CES1: variants seen among roughly 807,000 people sequenced by gnomAD.
CES1 encodes the protein carboxylesterase 1.
CES1 carries 50 observed loss-of-function variants against 53.0 expected under a neutral mutation model. The observed-to-expected ratio is 0.94, with a 90% CI of 0.75 to 1.19. CES1 has a LOEUF of 1.19. Among genes scored for constraint, CES1 ranks in the 50% most tolerant of loss-of-function variants. The pLI, the probability that CES1 is intolerant of heterozygous loss-of-function variation, is 0.00. For missense variants in CES1, 534 were observed against 538.0 expected (o/e 0.99, Z 0.07); for synonymous variants, 202 against 210.1 (o/e 0.96, Z 0.33).
chr16:55,820,020 C>T (rs543132551), intron 6 of CES1: 64 of 550,108 alleles, frequency 1.2e-4, no homozygotes, highest in Admixed American at 1.2e-4. Flanking sequence ...CAGAGAGACA[C>T]AAGACACCAT....
intron 2 of CES1, chr16:55,827,854 G>C (rs1434644097): frequency 6.6e-6 from 1 of 151,926 alleles, no homozygotes; most frequent in Admixed American, 6.6e-5. Context: ...AAAAAAACTG[G>C]AATACAAACA....
At chr16:55,815,552 T>C (rs1489508625) in intron 8 of CES1, among the ~76,000 whole-genome samples, 1 of 152,214 alleles carries the variant, frequency 6.6e-6, no homozygotes, top group African/African-American at 2.4e-5. Context: ...CACAACCTTG[T>C]TGTGTCAGAA....
intron 8 of CES1, among the ~76,000 whole-genome samples, chr16:55,814,024 C>G (rs1462805272): frequency 1.3e-5 from 2 of 152,188 alleles, no homozygotes; most frequent in Non-Finnish European, 2.9e-5. Context: ...GACATTTTAG[C>G]AAGCAGGTGA....
chr16:55,810,941 A>G lies in CES1; in HGVS notation c.1156T>C (p.Ser386Pro). The part of the protein sequence containing the change: ...QKTAMSLLWK[S>P]YPLVCIAKEL... ...TAGACTCTTACAACAAGGGGATAGGACTTCCACAGGAGTGACATGGCTGTC... is the reference window on the plus strand; with the variant it reads ...TAGACTCTTACAACAAGGGGATAGGGCTTCCACAGGAGTGACATGGCTGTC... The change falls in exon 10 of 14, where the codon TCC (serine) becomes CCC (proline). Residue 386 changes from serine to proline, a missense_variant. Coordinates refer to ENST00000360526, the MANE Select transcript of CES1 (RefSeq NM_001025195.2). The G allele has an allele frequency of 6.2e-7, 1 of 1,613,678 alleles. No homozygotes were observed. Among genetic ancestry groups the G allele is most frequent in the Non-Finnish European group, 8.5e-7 (1 of 1,179,800 alleles).
At position 55,813,381 on chromosome 16, in the gene CES1, G is replaced by A. The variant is rs1384301613; in HGVS notation, c.946-338C>T. The stretch of plus-strand genomic sequence containing the variant: ...CCACAATTGATTTTCGGTAGTCCTG[G>A]CAGTTGCTTCTGATAAAGCCCCCGT... On this transcript the variant is annotated intron_variant, in intron 8 of 13. Coordinates refer to ENST00000360526, the MANE Select transcript of CES1 (RefSeq NM_001025195.2). 3.3e-5 allele frequency among the ~76,000 whole-genome samples: 5 copies of A among 152,226 alleles called. No homozygotes were observed. The East Asian group carries it at 7.7e-4, about 23-fold the overall frequency.
At chr16:55,814,259 C>T (rs8192947) in intron 8 of CES1, among the ~76,000 whole-genome samples, 100,301 of 151,166 alleles carry the variant, frequency 0.66, 34,468 homozygotes, top group Non-Finnish European at 0.76. Context: ...TTTTAGGTTT[C>T]ACCTTTGATG....
At chr16:55,824,324 G>A (rs1319024082) in intron 3 of CES1, among the ~76,000 whole-genome samples, 1 of 152,274 alleles carries the variant, frequency 6.6e-6, no homozygotes, top group Admixed American at 6.5e-5. Flanking sequence ...ACTGGAGGAT[G>A]AGAGTGGATA....
At chr16:55,822,586 A>T (rs78878108) in intron 4 of CES1, among the ~76,000 whole-genome samples, 1,782 of 152,098 alleles carry the variant, frequency 0.012, 31 homozygotes, top group African/African-American at 0.041. Flanking sequence ...CCCTTTAGAC[A>T]GCCAGGGGTG....
chr16:55,809,051 G>A (rs2031560933), intron 11 of CES1, among the ~76,000 whole-genome samples: 1 of 66,408 alleles, frequency 1.5e-5, no homozygotes, highest in African/African-American at 6.8e-5. Context: ...AAAAGAGTGA[G>A]ACAACAATAA....
intron 11 of CES1, among the ~76,000 whole-genome samples, chr16:55,808,449 T>C (rs114548298): frequency 0.012 from 1,760 of 152,362 alleles, 12 homozygotes; most frequent in African/African-American, 0.04. Context: ...GTGCTTCTTG[T>C]TGGTGGGGAA....
intron 9 of CES1, among the ~76,000 whole-genome samples, 200 bp from the exon 10 acceptor site, chr16:55,811,210 C>CAAAAAA (rs147594975): frequency 7.2e-6 from 1 of 139,300 alleles, no homozygotes; most frequent in Non-Finnish European, 1.5e-5. Context: ...GCAAAGTTTA[C>CAAAAAA]AAAAAAAAAA....
intron 9 of CES1, among the ~76,000 whole-genome samples, chr16:55,811,316 C>T (rs2142315246): frequency 6.6e-6 from 1 of 151,892 alleles, no homozygotes; most frequent in East Asian, 1.9e-4. Context: ...GGGATCCCTA[C>T]AGTGGTCAGT....
chr16:55,821,302 G>T, intron 5 of CES1, 66 bp downstream of exon 5: 1 of 1,589,732 alleles, frequency 6.3e-7, no homozygotes, highest in Non-Finnish European at 8.6e-7. Context: ...GGATTGACAG[G>T]TGTCCAAGAG....
intron 6 of CES1, chr16:55,820,156 C>G (rs2032112532): frequency 1.7e-6 from 1 of 575,568 alleles, no homozygotes; most frequent in South Asian, 2.0e-5. Flanking sequence ...CTGCCCTTGG[C>G]AAATCCCTTC....
rs549984975 is a variant in CES1, at chr16:55,828,965, G to A, written c.62C>T (p.Pro21Leu). ...LSASAAWAGHPSSPPVVDTVH... is the reference protein window; with the variant it reads ...LSASAAWAGHLSSPPVVDTVH... ...GGTGTCCACCACAGGTGGCGAGGAC[G>A]GATGCCCTGCTGGACATGGAGAATA... The change falls in exon 2 of 14, where the codon CCG becomes CTG. Residue 21 changes from proline to leucine, a missense_variant. Coordinates refer to ENST00000360526, the MANE Select transcript of CES1 (RefSeq NM_001025195.2). The A allele has an allele frequency of 8.8e-5, 142 of 1,608,974 alleles. No individual in the cohort carries two copies. Among genetic ancestry groups the A allele is most frequent in the South Asian group, 7.4e-4 (67 of 89,954 alleles).
At chr16:55,810,012 G>T (rs377020020) in intron 11 of CES1, among the ~76,000 whole-genome samples, 7 of 152,156 alleles carry the variant, frequency 4.6e-5, no homozygotes, top group African/African-American at 1.4e-4. Flanking sequence ...CCTTTGTCTG[G>T]TCACAAGAGA....
intron 1 of CES1, among the ~76,000 whole-genome samples, chr16:55,831,175 A>T (rs2032653878): frequency 6.6e-6 from 1 of 152,176 alleles, no homozygotes; most frequent in African/African-American, 2.4e-5. Context: ...CAAAGGTCAA[A>T]CACAGGGACC....
In CES1 at chr16:55,826,170, G is replaced by T; in HGVS notation, c.386C>A (p.Thr129Asn). ...ACTTACCGGCAGCCTGTTTTTCTTG[G>T]TCAAGTCAGCAGGAGTGTAAATATT... The part of the protein sequence containing the change: ...YLNIYTPADL[T>N]KKNRLPVMVW... Residue 129 changes from threonine (T) to asparagine (N), a missense_variant, in exon 3 of 14, where the codon ACC becomes AAC. Transcript: ENST00000360526. 2.5e-6 allele frequency: 4 copies of T among 1,613,962 alleles called. No homozygotes were observed. Among genetic ancestry groups the T allele is most frequent in the Non-Finnish European group, 3.4e-6 (4 of 1,179,866 alleles).
chr16:55,812,883 A>G lies in CES1; in HGVS notation c.1086+20T>C. 6.2e-7 allele frequency: 1 copy of G among 1,613,792 alleles called. No individual in the cohort carries two copies. Among genetic ancestry groups the G allele is most frequent in the South Asian group, 1.1e-5 (1 of 91,064 alleles). Reference sequence around the variant, plus strand: ...TGATGGGGGTGGTTGAGTCCCTCCAACAGACATGTGCCTTCTCACCATTGG... The same window carrying G: ...TGATGGGGGTGGTTGAGTCCCTCCAGCAGACATGTGCCTTCTCACCATTGG... On this transcript the variant is annotated intron_variant, in intron 9 of 13. Transcript: ENST00000360526.
Sources: allele counts gnomAD v4.1 joint callset (sites outside exome capture counted in the v4.1 genomes callset), GRCh38; gene constraint gnomAD v4.1.1; transcripts MANE v1.5; gene names NCBI Gene and HGNC (gene_info 2026-07-23, HGNC 2026-07-21).